The following VIT variants were observed in gnomAD, a reference collection of about 807,000 sequenced individuals.
VIT encodes the protein vitrin.
VIT carries 99 observed loss-of-function variants against 78.0 expected under a neutral mutation model. That is an observed-to-expected ratio of 1.27 (90% CI 1.08 to 1.50). The LOEUF is 1.50. VIT is among the 40% of genes most tolerant of loss of function. The pLI, the probability that VIT is intolerant of heterozygous loss-of-function variation, is 0.00. For missense variants in VIT, 1,126 were observed against 875.3 expected (o/e 1.29, Z -3.61); for synonymous variants, 374 against 334.3 (o/e 1.12, Z -1.29).
chr2:36,813,064 T>G (rs1667301735), intron 15 of VIT, among the ~76,000 whole-genome samples: 1 of 149,922 alleles, frequency 6.7e-6, no homozygotes. Context: ...AAATAGGATT[T>G]TTTGTGACCT....
At chr2:36,798,953 A>G (rs1666113342) in intron 12 of VIT, among the ~76,000 whole-genome samples, 5 of 151,792 alleles carry the variant, frequency 3.3e-5, no homozygotes. Flanking sequence ...CAACACCCCC[A>G]TTTCCCCCAT....
intron 12 of VIT, among the ~76,000 whole-genome samples, chr2:36,794,479 A>G (rs1422538166): frequency 6.6e-6 from 1 of 152,232 alleles, no homozygotes; most frequent in African/African-American, 2.4e-5. Flanking sequence ...CCATCAACCT[A>G]TGTATCTCGG....
At chr2:36,796,945 A>G (rs1665945597) in intron 12 of VIT, among the ~76,000 whole-genome samples, 1 of 152,192 alleles carries the variant, frequency 6.6e-6, no homozygotes, top group South Asian at 2.1e-4. Flanking sequence ...AGTTTTTATA[A>G]ATTAAAAATT....
intron 12 of VIT, among the ~76,000 whole-genome samples, chr2:36,796,592 AG>A (rs2148656568): frequency 6.6e-6 from 1 of 152,240 alleles, no homozygotes; most frequent in South Asian, 2.1e-4. Context: ...CTAAGTGAAG[AG>A]GTTCAACATT....
chr2:36,795,632 C>T (rs1484297946), intron 12 of VIT, among the ~76,000 whole-genome samples: 2 of 152,054 alleles, frequency 1.3e-5, no homozygotes, highest in African/African-American at 4.8e-5. Context: ...TCAAGCTGGT[C>T]TCGAACTCCT....
chr2:36,805,265 C>A (rs1666623044), intron 13 of VIT, among the ~76,000 whole-genome samples, 173 bp from the exon 14 acceptor site: 1 of 142,410 alleles, frequency 7.0e-6, no homozygotes, highest in Non-Finnish European at 1.5e-5. Context: ...GATCGAACCA[C>A]TTCATTCCAG....
intron 13 of VIT, among the ~76,000 whole-genome samples, chr2:36,803,127 C>A (rs978080142): frequency 1.3e-5 from 2 of 152,196 alleles, no homozygotes; most frequent in Non-Finnish European, 2.9e-5. Flanking sequence ...CCATTCACAC[C>A]CACAACATGG....
At chr2:36,710,468 T>A (rs1396241701) in intron 1 of VIT, among the ~76,000 whole-genome samples, 2 of 152,176 alleles carry the variant, frequency 1.3e-5, no homozygotes, top group Non-Finnish European at 2.9e-5. Context: ...CATCACTACA[T>A]CAAGATAATG....
At chr2:36,729,031 T>C (rs547275533) in intron 2 of VIT, among the ~76,000 whole-genome samples, 6 of 152,270 alleles carry the variant, frequency 3.9e-5, no homozygotes, top group East Asian at 1.9e-4. Context: ...TTATCTTTTA[T>C]ACTGTATTTT....
intron 5 of VIT, among the ~76,000 whole-genome samples, 167 bp downstream of exon 5, chr2:36,755,221 A>G (rs1668692982): frequency 6.6e-6 from 1 of 152,236 alleles, no homozygotes; most frequent in Non-Finnish European, 1.5e-5. Context: ...GAATTACATG[A>G]TAAATCACCA....
At chr2:36,756,270 A>G (rs539636854) in intron 5 of VIT, among the ~76,000 whole-genome samples, 23 of 152,042 alleles carry the variant, frequency 1.5e-4, no homozygotes, top group African/African-American at 5.1e-4. Flanking sequence ...ACAGTGTTCT[A>G]TACTCACCTT....
intron 12 of VIT, chr2:36,787,808 A>G (rs770384897): frequency 6.6e-6 from 3 of 456,152 alleles, no homozygotes; most frequent in South Asian, 4.7e-5. Context: ...CTGGTACTGG[A>G]AAAACTCACC....
chr2:36,749,653 C>G (rs942360201), intron 4 of VIT, among the ~76,000 whole-genome samples: 1 of 152,176 alleles, frequency 6.6e-6, no homozygotes, highest in Non-Finnish European at 1.5e-5. Context: ...AGTGGGGACT[C>G]AAACCCAAGT....
intron 12 of VIT, among the ~76,000 whole-genome samples, chr2:36,791,105 A>G (rs1005605628): frequency 8.5e-5 from 13 of 152,186 alleles, no homozygotes; most frequent in African/African-American, 3.1e-4. Flanking sequence ...CAAAATTGGA[A>G]ACAGTTGTGG....
chr2:36,774,910 G>T (rs1669959301), intron 8 of VIT, 92 bp from the exon 9 acceptor site: 4 of 1,577,152 alleles, frequency 2.5e-6, no homozygotes, highest in Middle Eastern at 1.7e-4. Flanking sequence ...AGGAAAATCT[G>T]AACTAAGGTA....
intron 6 of VIT, 47 bp downstream of exon 6, chr2:36,759,093 C>T: frequency 6.2e-7 from 1 of 1,614,184 alleles, no homozygotes; most frequent in African/African-American, 1.3e-5. Flanking sequence ...AGTCCATGAA[C>T]ACGCGACGTG....
intron 6 of VIT, among the ~76,000 whole-genome samples, chr2:36,760,762 A>G (rs1324642377): frequency 2.0e-5 from 3 of 152,014 alleles, no homozygotes; most frequent in African/African-American, 7.2e-5. Flanking sequence ...TGTGCCCCTC[A>G]CTCCTTTCTC....
Position 36,706,144 on chromosome 2 carries a change from G to A in VIT, c.-19+9171G>A, listed in dbSNP as rs1330540606. On this transcript the variant is annotated intron_variant, in intron 1 of 15. Coordinates refer to ENST00000379242, the MANE Select transcript of VIT (RefSeq NM_053276.4). ...ATTATCCTGGACCTTCTCAGTGGCTGCGACAGCTCACAGGATTTCTTGCCA... is the reference window on the plus strand; with the variant it reads ...ATTATCCTGGACCTTCTCAGTGGCTACGACAGCTCACAGGATTTCTTGCCA... 2.0e-5 allele frequency among the ~76,000 whole-genome samples: 3 copies of A among 152,318 alleles called. No individual in the cohort carries two copies. In the East Asian group the frequency reaches 5.8e-4, roughly 29 times the overall value.
rs1667439014 is a variant in VIT, at chr2:36,814,668, C to T, written c.*307C>T. On this transcript the variant is annotated 3_prime_UTR_variant, in exon 16 of 16. Transcript: ENST00000379242. The stretch of plus-strand genomic sequence containing the variant: ...CAGTGCAGCCCTTACGACAGGCTTA[C>T]GTAGAGCTTTTGTGAGATTTTTAAG... The T allele has an allele frequency of 7.9e-6, 2 of 252,380 alleles. No homozygotes were observed. Among genetic ancestry groups the T allele is most frequent in the Non-Finnish European group, 1.5e-5 (2 of 133,888 alleles). The allele number at this position is 252,380 out of a possible 1,614,324, so 15.6% of individuals were successfully genotyped here. A position where few individuals can be genotyped will look rare whatever the true frequency, so the allele number is the denominator to read the frequency against.
Sources: gnomAD v4.1 joint callset for allele counts (sites outside exome capture counted in the v4.1 genomes callset) on GRCh38, gnomAD v4.1.1 for gene constraint, MANE v1.5 for transcripts, NCBI Gene and HGNC (gene_info 2026-07-23, HGNC 2026-07-21) for gene names.